The following ERBB4 variants were observed in gnomAD, a reference collection of about 807,000 sequenced individuals.
ERBB4 encodes the protein receptor tyrosine-protein kinase erbB-4.
A neutral mutation model predicts 158.0 loss-of-function variants in ERBB4; 42 were observed. The ratio of observed to expected loss-of-function variants is 0.27; its 90% CI spans 0.21 to 0.34. ERBB4 has a LOEUF of 0.34. Among genes scored for constraint, ERBB4 ranks in the 10% least tolerant of loss-of-function variants. ERBB4 has a pLI of 1.00. For missense variants in ERBB4, 1,333 were observed against 1,624.1 expected, an observed-to-expected ratio of 0.82 and a Z score of 3.08; for synonymous variants, 583 against 558.7, an observed-to-expected ratio of 1.04 and a Z score of -0.61.
intron 1 of ERBB4, among the ~76,000 whole-genome samples, chr2:212,245,763 G>A (rs1270380046): frequency 1.3e-5 from 2 of 151,974 alleles, no homozygotes; most frequent in Admixed American, 1.3e-4. Flanking sequence ...TTATAACCTG[G>A]CCCTCACCTT....
chr2:212,109,654 A>G (rs2079342778), intron 2 of ERBB4, among the ~76,000 whole-genome samples: 1 of 152,212 alleles, frequency 6.6e-6, no homozygotes, highest in African/African-American at 2.4e-5. Flanking sequence ...GAGCTTACTA[A>G]CCAATTGATT....
chr2:211,798,731 T>C (rs2076435574), intron 3 of ERBB4, among the ~76,000 whole-genome samples: 1 of 152,032 alleles, frequency 6.6e-6, no homozygotes, highest in Non-Finnish European at 1.5e-5. Context: ...CCCCATTAAG[T>C]TTGGTGCCTA....
At chr2:212,346,864 A>C (rs965200979) in intron 1 of ERBB4, among the ~76,000 whole-genome samples, 2 of 152,148 alleles carry the variant, frequency 1.3e-5, no homozygotes, top group Non-Finnish European at 2.9e-5. Flanking sequence ...AGACCTCAAA[A>C]TGACTATTAC....
chr2:212,163,607 T>C (rs530319491), intron 1 of ERBB4, among the ~76,000 whole-genome samples: 30 of 152,184 alleles, frequency 2.0e-4, no homozygotes, highest in African/African-American at 6.7e-4. Flanking sequence ...TCAGCTAATA[T>C]AATTTCAGGT....
intron 1 of ERBB4, among the ~76,000 whole-genome samples, chr2:212,475,077 G>A (rs1689317484): frequency 6.6e-6 from 1 of 151,938 alleles, no homozygotes; most frequent in Non-Finnish European, 1.5e-5. Flanking sequence ...ATTTCTGTTG[G>A]TTGCGTCAAT....
chr2:212,438,823 G>C (rs149300463), intron 1 of ERBB4, among the ~76,000 whole-genome samples: 22 of 152,158 alleles, frequency 1.4e-4, no homozygotes, highest in African/African-American at 4.6e-4. Flanking sequence ...TGAATGTATA[G>C]CAAGAGCCAT....
At chr2:212,211,969 G>T (rs996620310) in intron 1 of ERBB4, among the ~76,000 whole-genome samples, 11 of 152,032 alleles carry the variant, frequency 7.2e-5, no homozygotes, top group African/African-American at 2.7e-4. Flanking sequence ...TCAGTGATGG[G>T]CATTTGGGTT....
At chr2:212,112,438 T>C (rs1461323986) in intron 2 of ERBB4, among the ~76,000 whole-genome samples, 2 of 151,684 alleles carry the variant, frequency 1.3e-5, no homozygotes, top group Non-Finnish European at 3.0e-5. Flanking sequence ...GTTCCGAAAT[T>C]TTTATTTTAT....
At chr2:212,092,394 A>T (rs1256086526) in intron 2 of ERBB4, among the ~76,000 whole-genome samples, 2 of 152,168 alleles carry the variant, frequency 1.3e-5, no homozygotes, top group African/African-American at 4.8e-5. Context: ...TGGAGAATGG[A>T]ATTATACCAG....
chr2:212,416,455 A>G (rs1222671072), intron 1 of ERBB4, among the ~76,000 whole-genome samples: 1 of 152,078 alleles, frequency 6.6e-6, no homozygotes. Flanking sequence ...ATGTTTGTTC[A>G]TTTTCAATAT....
At chr2:211,912,960 G>A (rs889829248) in intron 3 of ERBB4, among the ~76,000 whole-genome samples, 3 of 152,088 alleles carry the variant, frequency 2.0e-5, no homozygotes, top group African/African-American at 7.2e-5. Flanking sequence ...CACCTGTCTT[G>A]CCACTAAAAT....
chr2:212,255,968 A>G (rs925363283), intron 1 of ERBB4, among the ~76,000 whole-genome samples: 9 of 149,834 alleles, frequency 6.0e-5, no homozygotes, highest in Middle Eastern at 3.3e-3. Context: ...CTACAGAAGC[A>G]TGCCACCATT....
At chr2:212,426,552 T>G (rs962000130) in intron 1 of ERBB4, among the ~76,000 whole-genome samples, 2 of 152,126 alleles carry the variant, frequency 1.3e-5, no homozygotes, top group African/African-American at 4.8e-5. Flanking sequence ...TACACCTGTA[T>G]GCACCATAAA....
chr2:211,392,819 C>G (rs941847858), intron 25 of ERBB4, among the ~76,000 whole-genome samples: 1 of 152,054 alleles, frequency 6.6e-6, no homozygotes, highest in South Asian at 2.1e-4. Flanking sequence ...AGGTGCCCAC[C>G]ACCACGCCTG....
At chr2:211,612,543 A>G (rs1442567357) in intron 19 of ERBB4, among the ~76,000 whole-genome samples, 1 of 152,050 alleles carries the variant, frequency 6.6e-6, no homozygotes, top group Non-Finnish European at 1.5e-5. Flanking sequence ...TTCATTAGGT[A>G]TGATTGGAAG....
At chr2:211,405,272 A>G (rs2063124498) in intron 25 of ERBB4, among the ~76,000 whole-genome samples, 1 of 152,150 alleles carries the variant, frequency 6.6e-6, no homozygotes, top group African/African-American at 2.4e-5. Flanking sequence ...AAATATGAGG[A>G]AGCAATTCGA....
intron 2 of ERBB4, among the ~76,000 whole-genome samples, chr2:211,976,223 T>A (rs780286849): frequency 5.9e-5 from 9 of 152,176 alleles, no homozygotes; most frequent in African/African-American, 2.2e-4. Context: ...TAATAAAGTA[T>A]AACTCTAAAC....
At chr2:211,599,316 A>G (rs1278954917) in intron 19 of ERBB4, among the ~76,000 whole-genome samples, 1 of 152,204 alleles carries the variant, frequency 6.6e-6, no homozygotes, top group African/African-American at 2.4e-5. Flanking sequence ...AAGGATCCAT[A>G]GCTTTCATCA....
Position 211,562,287 on chromosome 2 carries a change from C to T in ERBB4, c.2302-199G>A, listed in dbSNP as rs368543855. 2.6e-5 allele frequency among the ~76,000 whole-genome samples: 4 copies of T among 152,156 alleles called. No homozygotes were observed. In the South Asian group the frequency reaches 6.2e-4, roughly 24 times the overall value. On this transcript the variant is annotated intron_variant, in intron 19 of 27. Coordinates refer to ENST00000342788, the MANE Select transcript of ERBB4 (RefSeq NM_005235.3). ...AATAAAATTAAATAAACAACAAAGT[C>T]TCTACATGCATTAACATGGAAGCTG...
Sources: allele counts gnomAD v4.1 joint callset (sites outside exome capture counted in the v4.1 genomes callset), GRCh38; gene constraint gnomAD v4.1.1; transcripts MANE v1.5; gene names NCBI Gene and HGNC (gene_info 2026-07-23, HGNC 2026-07-21).